Variants in EYS observed in about 807,000 individuals in gnomAD.
The protein encoded by EYS is EGF-like photoreceptor maintenance factor.
EYS carries 250 observed loss-of-function variants against 282.1 expected under a neutral mutation model. The observed-to-expected ratio is 0.89, with a 90% CI of 0.80 to 0.98. The LOEUF (loss-of-function observed/expected upper bound fraction) is 0.98. Ranked by LOEUF, EYS falls within the 50% of genes least tolerant of loss-of-function variation. The pLI, the probability that EYS is intolerant of heterozygous loss-of-function variation, is 0.00. For missense variants in EYS, 4,016 were observed against 3,709.0 expected (o/e 1.08, Z -2.15); for synonymous variants, 1,355 against 1,282.9 (o/e 1.06, Z -1.20).
intron 40 of EYS, among the ~76,000 whole-genome samples, chr6:63,772,450 A>G (rs1361593588): frequency 1.3e-5 from 2 of 152,102 alleles, no homozygotes; most frequent in African/African-American, 4.8e-5. Context: ...ATATATATCT[A>G]TGTGTTATAT....
At chr6:65,577,440 C>T (rs1011257388) in intron 2 of EYS, among the ~76,000 whole-genome samples, 24 of 151,664 alleles carry the variant, frequency 1.6e-4, no homozygotes, top group African/African-American at 5.8e-4. Context: ...TAAATCAAAG[C>T]CTTTAACATA....
rs1391928253 is a variant in EYS at position 64,902,211 on chromosome 6, G to A, written c.2748C>T (p.Cys916=). The A allele has an allele frequency of 2.6e-6, 4 of 1,549,744 alleles. No individual in the cohort carries two copies. In the South Asian group the frequency reaches 4.8e-5, roughly 18 times the overall value. The change falls in exon 18 of 43, where the codon TGC becomes TGT. Residue 916 remains cysteine, a synonymous_variant. Coordinates refer to ENST00000503581, the MANE Select transcript of EYS (RefSeq NM_001142800.2). ...ACAGAGATCCAGAAAACCCAGGTCT[G>A]CAAATACACCTTTTAAACAAAAAAT... ...EDMVNNFRCI[C]RPGFSGSLCE...
At chr6:64,994,861 C>T (rs1013851750) in intron 14 of EYS, among the ~76,000 whole-genome samples, 1 of 152,080 alleles carries the variant, frequency 6.6e-6, no homozygotes, top group African/African-American at 2.4e-5. Context: ...TTTAACAAGA[C>T]ATTTGAGCAA....
intron 1 of EYS, among the ~76,000 whole-genome samples, chr6:65,684,650 A>G (rs1464190385): frequency 7.9e-5 from 12 of 152,048 alleles, no homozygotes; most frequent in African/African-American, 2.9e-4. Context: ...GATACTTCCC[A>G]TGGTAAGGTG....
intron 33 of EYS, among the ~76,000 whole-genome samples, chr6:64,026,655 A>G (rs1171237509): frequency 6.6e-6 from 1 of 152,152 alleles, no homozygotes; most frequent in Admixed American, 6.5e-5. Flanking sequence ...TGCAATTTAC[A>G]TTCCACAGGA....
At chr6:65,568,036 T>C (rs1305144602) in intron 2 of EYS, among the ~76,000 whole-genome samples, 1 of 152,034 alleles carries the variant, frequency 6.6e-6, no homozygotes, top group East Asian at 1.9e-4. Flanking sequence ...TATTTTTTCT[T>C]CCCCCTCCCT....
At chr6:63,908,032 ACGTTTGTGTGTGTG>A (rs1562090531) in intron 35 of EYS, among the ~76,000 whole-genome samples, 4 of 47,424 alleles carry the variant, frequency 8.4e-5, no homozygotes, top group African/African-American at 3.7e-4. Flanking sequence ...ATATATATAT[ACGTTTGTGTGTGTG>A]TGTGTGTGTG....
intron 13 of EYS, among the ~76,000 whole-genome samples, chr6:65,015,684 A>T (rs779326136): frequency 4.7e-4 from 71 of 152,094 alleles, no homozygotes; most frequent in Admixed American, 8.5e-4. Flanking sequence ...CCTGTTTTTT[A>T]TTAGTTTTTT....
intron 27 of EYS, 133 bp downstream of exon 27, chr6:64,439,019 TATAAAAGTAG>T (rs1774845511): frequency 2.5e-6 from 1 of 406,066 alleles, no homozygotes; most frequent in African/African-American, 2.1e-5. Flanking sequence ...AGAAAGAAAT[TATAAAAGTAG>T]AGGAAGAGAC....
intron 31 of EYS, among the ~76,000 whole-genome samples, chr6:64,109,596 T>C (rs1773141180): frequency 6.6e-6 from 1 of 152,114 alleles, no homozygotes; most frequent in African/African-American, 2.4e-5. Context: ...ATTATGACTA[T>C]AACCACATGA....
chr6:65,681,143 T>C (rs897014453), intron 1 of EYS, among the ~76,000 whole-genome samples: 5 of 147,910 alleles, frequency 3.4e-5, no homozygotes, highest in Admixed American at 1.4e-4. Flanking sequence ...TCTCACACTC[T>C]ACCTCGTAGC....
At chr6:63,844,211 G>A (rs1321668900) in intron 36 of EYS, among the ~76,000 whole-genome samples, 1 of 152,088 alleles carries the variant, frequency 6.6e-6, no homozygotes, top group Admixed American at 6.6e-5. Context: ...CTGCATAGTA[G>A]CCCATAGTGT....
intron 34 of EYS, among the ~76,000 whole-genome samples, chr6:63,985,173 T>C (rs1767297089): frequency 6.6e-6 from 1 of 151,642 alleles, no homozygotes; most frequent in African/African-American, 2.4e-5. Flanking sequence ...CAATAGTCTT[T>C]TTAGGACTTT....
intron 22 of EYS, among the ~76,000 whole-genome samples, chr6:64,756,253 G>A (rs1204422441): frequency 6.6e-6 from 1 of 151,894 alleles, no homozygotes; most frequent in Non-Finnish European, 1.5e-5. Context: ...TTACTTTATG[G>A]CAATGTTTAA....
At chr6:64,280,873 CTATT>C (rs750027084) in intron 30 of EYS, among the ~76,000 whole-genome samples, 1 of 152,072 alleles carries the variant, frequency 6.6e-6, no homozygotes, top group African/African-American at 2.4e-5. Context: ...AGCACATAAA[CTATT>C]TATAATCAAT....
chr6:65,597,357 A>T (rs1765444514), intron 2 of EYS, among the ~76,000 whole-genome samples: 1 of 152,000 alleles, frequency 6.6e-6, no homozygotes, highest in Non-Finnish European at 1.5e-5. Context: ...AATGAGGAAC[A>T]CTCTTAAGTA....
intron 14 of EYS, among the ~76,000 whole-genome samples, chr6:64,979,147 T>C (rs1316323023): frequency 6.6e-6 from 1 of 151,792 alleles, no homozygotes; most frequent in Non-Finnish European, 1.5e-5. Context: ...AAGAGTCAAC[T>C]GATGCATTAG....
chr6:64,788,283 G>C (rs756036384), intron 22 of EYS, among the ~76,000 whole-genome samples: 5 of 152,154 alleles, frequency 3.3e-5, no homozygotes, highest in South Asian at 4.2e-4. Context: ...TCCCTGAGGT[G>C]GGGGAGCTGG....
At chr6:64,589,769 C>G (rs931627881) in intron 26 of EYS, among the ~76,000 whole-genome samples, 1 of 151,830 alleles carries the variant, frequency 6.6e-6, no homozygotes, top group Non-Finnish European at 1.5e-5. Context: ...ATATACCATG[C>G]CATAGAGGAT....
Sources: gnomAD v4.1 joint callset for allele counts (sites outside exome capture counted in the v4.1 genomes callset) on GRCh38, gnomAD v4.1.1 for gene constraint, MANE v1.5 for transcripts, NCBI Gene and HGNC (gene_info 2026-07-23, HGNC 2026-07-21) for gene names.